LHPP: variants seen among roughly 807,000 people sequenced by gnomAD.
LHPP encodes hLHPP.
LHPP carries 24 observed loss-of-function variants against 30.3 expected under a neutral mutation model. The observed-to-expected ratio is 0.79, with a 90% CI of 0.57 to 1.11. The LOEUF is 1.11. LHPP is among the 50% of genes most tolerant of loss of function. The pLI is 0.00. For missense variants in LHPP, 356 were observed against 367.2 expected, an observed-to-expected ratio of 0.97 and a Z score of 0.25; for synonymous variants, 150 against 157.1, an observed-to-expected ratio of 0.95 and a Z score of 0.34.
At chr10:124,505,532 C>G (rs560343388) in intron 5 of LHPP, among the ~76,000 whole-genome samples, 1 of 152,282 alleles carries the variant, frequency 6.6e-6, no homozygotes, top group South Asian at 2.1e-4. Flanking sequence ...CCTCAGTGGC[C>G]TAGAAATCAC....
At chr10:124,540,521 G>A (rs576174396) in intron 6 of LHPP, among the ~76,000 whole-genome samples, 4 of 152,184 alleles carry the variant, frequency 2.6e-5, no homozygotes, top group Admixed American at 2.0e-4. Flanking sequence ...GCACAGCCTC[G>A]TGCTCCTGGC....
Position 124,613,361 on chromosome 10 carries a change from T to G in LHPP, c.*1T>G. 1 of 1,609,838 alleles carries G rather than the reference T, an allele frequency of 6.2e-7. No homozygotes were observed. ...GCTGCTGCAGCACGCCGACAAGTGATGGCCTCCTGGGAGAGCCCCGCCTCC... is the reference window on the plus strand; with the variant it reads ...GCTGCTGCAGCACGCCGACAAGTGAGGGCCTCCTGGGAGAGCCCCGCCTCC... On this transcript the variant is annotated 3_prime_UTR_variant, in exon 7 of 7. Coordinates refer to ENST00000368842, the MANE Select transcript of LHPP (RefSeq NM_022126.4).
chr10:124,473,523 C>T (rs1025980018), intron 1 of LHPP, among the ~76,000 whole-genome samples: 2 of 152,086 alleles, frequency 1.3e-5, no homozygotes, highest in African/African-American at 4.8e-5. Context: ...CAGCTCTGCC[C>T]CATAGTTGCC....
intron 6 of LHPP, among the ~76,000 whole-genome samples, chr10:124,583,435 T>C (rs572509311): frequency 6.6e-6 from 1 of 152,292 alleles, no homozygotes; most frequent in South Asian, 2.1e-4. Flanking sequence ...GGCACACTTG[T>C]CAAAAATCAG....
At chr10:124,481,332 C>T (rs1372876397) in intron 1 of LHPP, among the ~76,000 whole-genome samples, 4 of 150,938 alleles carry the variant, frequency 2.7e-5, no homozygotes, top group African/African-American at 9.8e-5. Flanking sequence ...ATTTGGGGCC[C>T]TCTCTCACTG....
At chr10:124,607,158 C>T (rs971969065) in intron 6 of LHPP, among the ~76,000 whole-genome samples, 1 of 152,212 alleles carries the variant, frequency 6.6e-6, no homozygotes, top group African/African-American at 2.4e-5. Context: ...TACCCACTGC[C>T]GAGGACACAC....
chr10:124,471,036 A>G (rs144486873), intron 1 of LHPP, among the ~76,000 whole-genome samples: 30 of 152,224 alleles, frequency 2.0e-4, no homozygotes, highest in African/African-American at 6.7e-4. Flanking sequence ...TCCTTATGTA[A>G]ACATTCTCAC....
At chr10:124,566,020 C>A (rs548614347) in intron 6 of LHPP, among the ~76,000 whole-genome samples, 1 of 152,252 alleles carries the variant, frequency 6.6e-6, no homozygotes, top group Non-Finnish European at 1.5e-5. Context: ...TCGCCGTACC[C>A]CTGGGTGGCC....
At chr10:124,492,497 G>A (rs182831939) in intron 3 of LHPP, among the ~76,000 whole-genome samples, 86 of 152,272 alleles carry the variant, frequency 5.6e-4, no homozygotes, top group East Asian at 7.7e-4. Context: ...ATTCTTGCTC[G>A]GGGAAGGTCA....
chr10:124,554,158 A>T (rs920038005), intron 6 of LHPP: 3 of 594,008 alleles, frequency 5.1e-6, no homozygotes, highest in Non-Finnish European at 6.3e-6. Flanking sequence ...TCAACCTAAG[A>T]CTCAGTTTAT....
chr10:124,509,500 C>T (rs1450006475), intron 5 of LHPP, among the ~76,000 whole-genome samples: 1 of 152,134 alleles, frequency 6.6e-6, no homozygotes, highest in Non-Finnish European at 1.5e-5. Flanking sequence ...CGTTCACCTT[C>T]CTGACCTGCT....
intron 6 of LHPP, among the ~76,000 whole-genome samples, chr10:124,570,745 A>G (rs923066517): frequency 3.3e-5 from 5 of 152,230 alleles, no homozygotes; most frequent in Non-Finnish European, 7.3e-5. Flanking sequence ...GTCTGACTCC[A>G]TTCACTTTGC....
In LHPP at chr10:124,517,080, A is replaced by T; in HGVS notation, c.625-100A>T. 1.4e-6 allele frequency: 1 copy of T among 700,880 alleles called. No homozygotes were observed. The highest frequency in any genetic ancestry group is 2.3e-6 in the Non-Finnish European group (1 of 426,414). 43.4% of individuals were successfully genotyped at this position (700,880 alleles called of 1,614,324 possible). ...TTAATTTGTATGATGGTGGTTGTAA[A>T]CATCAAATCAAGCCATTTATTATGT... On this transcript the variant is annotated intron_variant, in intron 5 of 6. Transcript: ENST00000368842. This position sits in a 1 kb window ranked among gnomAD's most constrained non-coding sequence, Gnocchi z 4.1.
chr10:124,490,035 G>T, intron 3 of LHPP: 1 of 172,482 alleles, frequency 5.8e-6, no homozygotes, highest in Non-Finnish European at 1.2e-5. Flanking sequence ...CTCTGTCTGT[G>T]GGTATCTCTC....
chr10:124,568,997 A>C (rs916354026), intron 6 of LHPP, among the ~76,000 whole-genome samples: 4 of 152,170 alleles, frequency 2.6e-5, no homozygotes, highest in Admixed American at 1.3e-4. Context: ...AGCTTTAGGC[A>C]ATTAAGACAC....
intron 1 of LHPP, among the ~76,000 whole-genome samples, chr10:124,480,394 A>G (rs1263601351): frequency 6.6e-6 from 1 of 152,224 alleles, no homozygotes; most frequent in South Asian, 2.1e-4. Flanking sequence ...AAGAGTCCCA[A>G]AGTGAGTTCT....
intron 6 of LHPP, among the ~76,000 whole-genome samples, chr10:124,565,499 G>A (rs1173674109): frequency 6.6e-6 from 1 of 152,164 alleles, no homozygotes; most frequent in Non-Finnish European, 1.5e-5. Context: ...CAGATTTGAT[G>A]TCTAATTTTA....
chr10:124,585,844 G>A (rs1417371463), intron 6 of LHPP, among the ~76,000 whole-genome samples: 1 of 151,928 alleles, frequency 6.6e-6, no homozygotes, highest in East Asian at 2.0e-4. Flanking sequence ...GAGTGCAGTG[G>A]CACAATCTTG....
chr10:124,545,102 G>C (rs1250006857), intron 6 of LHPP, among the ~76,000 whole-genome samples: 1 of 152,138 alleles, frequency 6.6e-6, no homozygotes, highest in Non-Finnish European at 1.5e-5. Context: ...CGCCCCCAGA[G>C]CAGAGCTGTC....
Sources: gnomAD v4.1 joint callset for allele counts (sites outside exome capture counted in the v4.1 genomes callset) on GRCh38, gnomAD v4.1.1 for gene constraint, Gnocchi (gnomAD v3.1) non-coding constraint, MANE v1.5 for transcripts, NCBI Gene and HGNC (gene_info 2026-07-23, HGNC 2026-07-21) for gene names.